The following NCMAP variants were observed in gnomAD, a reference collection of about 807,000 sequenced individuals.
The protein encoded by NCMAP is noncompact myelin-associated protein.
In NCMAP, 8 loss-of-function variants were observed where a neutral mutation model predicts 7.8. The ratio of observed to expected loss-of-function variants is 1.02; its 90% CI spans 0.60 to 1.84. The LOEUF is 1.84. Among genes scored for constraint, NCMAP ranks in the 40% most tolerant of loss-of-function variants. NCMAP has a pLI of 0.00. For missense variants in NCMAP, 112 were observed against 131.4 expected, an observed-to-expected ratio of 0.85 and a Z score of 0.72; for synonymous variants, 41 against 52.9, an observed-to-expected ratio of 0.78 and a Z score of 0.98.
intron 3 of NCMAP, among the ~76,000 whole-genome samples, chr1:24,602,753 T>C (rs1652553551): frequency 6.7e-6 from 1 of 150,258 alleles, no homozygotes; most frequent in African/African-American, 2.4e-5. Flanking sequence ...AAAAAAAAGT[T>C]TTTAAAATAA....
At chr1:24,565,871 C>G (rs959115327) in intron 1 of NCMAP, among the ~76,000 whole-genome samples, 24 of 152,206 alleles carry the variant, frequency 1.6e-4, no homozygotes, top group African/African-American at 5.5e-4. Context: ...TCCCCTTAAT[C>G]CCCACTTGTC....
intron 1 of NCMAP, among the ~76,000 whole-genome samples, chr1:24,593,888 A>G (rs1652129146): frequency 6.9e-6 from 1 of 145,512 alleles, no homozygotes; most frequent in South Asian, 2.1e-4. Flanking sequence ...TTATTTATTT[A>G]TTTATTTATT....
Position 24,591,099 on chromosome 1 carries a change from T to C in NCMAP, c.-7-4325T>C, listed in dbSNP as rs751117889. ...GGATATGAGAAAGAACAAGAAATAG[T>C]CTCCATCCTCAAGGACCTGACAATG... is the stretch of plus-strand genomic sequence containing the variant. On this transcript the variant is annotated intron_variant, in intron 1 of 3. Coordinates refer to ENST00000374392, the MANE Select transcript of NCMAP (RefSeq NM_001010980.5). 2.9e-4 allele frequency among the ~76,000 whole-genome samples: 44 copies of C among 152,224 alleles called. 1 individual carries two copies. Among genetic ancestry groups the C allele is most frequent in the Middle Eastern group, 6.8e-3 (2 of 292 alleles).
intron 1 of NCMAP, among the ~76,000 whole-genome samples, chr1:24,575,732 G>A (rs1301892488): frequency 1.3e-5 from 2 of 150,976 alleles, no homozygotes; most frequent in Admixed American, 6.6e-5. Flanking sequence ...GATCACCTGA[G>A]GTCAGGAGTT....
intron 1 of NCMAP, among the ~76,000 whole-genome samples, chr1:24,575,189 C>T (rs1012478318): frequency 2.6e-5 from 4 of 151,334 alleles, no homozygotes; most frequent in South Asian, 4.2e-4. Flanking sequence ...CCAGCCTGGG[C>T]GACAGAGTGA....
At chr1:24,562,539 T>C (rs1651083036) in intron 1 of NCMAP, among the ~76,000 whole-genome samples, 1 of 152,196 alleles carries the variant, frequency 6.6e-6, no homozygotes, top group South Asian at 2.1e-4. Flanking sequence ...CAGCTTTCCA[T>C]GTGGAATGAA....
chr1:24,587,382 A>G (rs1651911584), intron 1 of NCMAP, among the ~76,000 whole-genome samples: 1 of 152,238 alleles, frequency 6.6e-6, no homozygotes, highest in Non-Finnish European at 1.5e-5. Context: ...ACCAACCTAC[A>G]GACAACTACT....
chr1:24,597,447 TG>T (rs1652266342), intron 2 of NCMAP, among the ~76,000 whole-genome samples: 1 of 132,444 alleles, frequency 7.6e-6, no homozygotes, highest in Admixed American at 8.5e-5. Context: ...GAGGTTGCAG[TG>T]AGCCGAGATC....
chr1:24,592,746 G>T (rs1350896622), intron 1 of NCMAP, among the ~76,000 whole-genome samples: 1 of 151,996 alleles, frequency 6.6e-6, no homozygotes, highest in Non-Finnish European at 1.5e-5. Context: ...GTGAAACCCC[G>T]TCTCTATTAA....
intron 1 of NCMAP, among the ~76,000 whole-genome samples, chr1:24,589,168 G>A (rs971987297): frequency 2.6e-5 from 4 of 152,114 alleles, no homozygotes; most frequent in Non-Finnish European, 5.9e-5. Flanking sequence ...AAAGCACCGA[G>A]TGCGGTGCCG....
At chr1:24,569,544 A>T (rs940197013) in intron 1 of NCMAP, among the ~76,000 whole-genome samples, 5 of 150,602 alleles carry the variant, frequency 3.3e-5, no homozygotes, top group African/African-American at 1.3e-4. Flanking sequence ...ATTGAGCGGC[A>T]GCAGTAAAGT....
In NCMAP at chr1:24,598,404, C is replaced by G. The variant is rs140778048; in HGVS notation, c.83-2536C>G. Among the ~76,000 whole-genome samples the G allele has an allele frequency of 1.2e-4, 18 of 152,166 alleles. No homozygotes were observed. The East Asian group carries it at 1.7e-3, about 15-fold the overall frequency. On this transcript the variant is annotated intron_variant, in intron 2 of 3. Coordinates refer to ENST00000374392, the MANE Select transcript of NCMAP (RefSeq NM_001010980.5). ...CCTTCTAATCACCATCCTCCACCCC[C>G]CCAAGGGGACCTGCTATTCTGACTT...
rs1652825413 is a variant in NCMAP, at chr1:24,608,230, G to A, written c.*2483G>A. On this transcript the variant is annotated 3_prime_UTR_variant, in exon 4 of 4. Transcript: ENST00000374392. ...GTCACAAAGACAAGACTCAAAACCA[G>A]GTCTCTTGACTCCAAAGTCTGTCTT... 6.6e-6 allele frequency: 1 copy of A among 152,156 alleles called. No homozygotes were observed. The highest frequency in any genetic ancestry group is 2.4e-5 in the African/African-American group (1 of 41,428). 9.4% of individuals were successfully genotyped at this position (152,156 alleles called of 1,614,324 possible).
chr1:24,579,046 C>T (rs112378855), intron 1 of NCMAP, among the ~76,000 whole-genome samples: 13 of 152,120 alleles, frequency 8.5e-5, no homozygotes, highest in East Asian at 1.9e-4. Context: ...CCCGGCAGCG[C>T]GGACCTCGGC....
In NCMAP at chr1:24,605,766, CT is replaced by C; in HGVS notation, c.*20del. The C allele has an allele frequency of 6.2e-7, 1 of 1,613,240 alleles. No homozygotes were observed. Among genetic ancestry groups the C allele is most frequent in the Non-Finnish European group, 8.5e-7 (1 of 1,179,256 alleles). ...GCGATGACCTCTACCCTGGCGCTAT[CT>C]CCACCACTGTCCAAAGAGCCTCTCC... is the stretch of plus-strand genomic sequence containing the variant. On this transcript the variant is annotated 3_prime_UTR_variant, in exon 4 of 4. Coordinates refer to ENST00000374392, the MANE Select transcript of NCMAP (RefSeq NM_001010980.5).
chr1:24,606,149 G>A lies in NCMAP; in HGVS notation c.*402G>A, dbSNP rs999824474. ...CGGGGTTCATATCAGATGAAGCGCC[G>A]TATCCACTGCTTCACAGAGCAAAAC... On this transcript the variant is annotated 3_prime_UTR_variant, in exon 4 of 4. Transcript: ENST00000374392. 5 of 167,064 alleles carry A rather than the reference G, an allele frequency of 3.0e-5. No homozygotes were observed. Among genetic ancestry groups the A allele is most frequent in the Admixed American group, 1.2e-4 (2 of 16,368 alleles). The allele number at this position is 167,064 out of a possible 1,614,324, so 10.3% of individuals were successfully genotyped here.
intron 1 of NCMAP, among the ~76,000 whole-genome samples, chr1:24,586,043 T>A (rs188853684): frequency 2.0e-5 from 3 of 152,306 alleles, no homozygotes; most frequent in African/African-American, 7.2e-5. Context: ...GGAACTGGCA[T>A]GAGCACTCCA....
intron 1 of NCMAP, among the ~76,000 whole-genome samples, chr1:24,593,627 T>C (rs559315472): frequency 6.6e-6 from 1 of 152,136 alleles, no homozygotes; most frequent in East Asian, 1.9e-4. Context: ...AAAAAGAAAA[T>C]AAATTTATAC....
chr1:24,578,909 C>G (rs570356390), intron 1 of NCMAP, among the ~76,000 whole-genome samples: 1 of 152,154 alleles, frequency 6.6e-6, no homozygotes, highest in African/African-American at 2.4e-5. Context: ...GCAAACTCTC[C>G]AACAGAAGAG....
Sources: allele counts gnomAD v4.1 joint callset (sites outside exome capture counted in the v4.1 genomes callset), GRCh38; gene constraint gnomAD v4.1.1; transcripts MANE v1.5; gene names NCBI Gene and HGNC (gene_info 2026-07-23, HGNC 2026-07-21).